Variants in CPEB1 observed in about 807,000 individuals in gnomAD.
CPEB1 encodes cytoplasmic polyadenylation element binding protein 1.
Under a neutral mutation model 65.8 loss-of-function variants are expected in CPEB1, and 7 were observed. That is an observed-to-expected ratio of 0.11 (90% CI 0.06 to 0.20). The LOEUF (loss-of-function observed/expected upper bound fraction) is 0.20. Among genes scored for constraint, CPEB1 ranks in the 10% least tolerant of loss-of-function variants. CPEB1 has a pLI of 1.00. For missense variants in CPEB1, 551 were observed against 712.2 expected (o/e 0.77, Z 2.58); for synonymous variants, 262 against 260.0 (o/e 1.01, Z -0.08).
chr15:82,544,483 C>T lies in CPEB1; in HGVS notation c.*109G>A. The T allele has an allele frequency of 1.4e-6, 1 of 717,300 alleles. No individual in the cohort carries two copies. The allele number at this position is 717,300 out of a possible 1,614,324, so 44.4% of individuals were successfully genotyped here. A position where few individuals can be genotyped will look rare whatever the true frequency, so the allele number is the denominator to read the frequency against. ...AGTGCAAAGGTGACTACAATTTTCC[C>T]TTGTCCTTGGGAAGCCAGCTCCCTG... is the stretch of plus-strand genomic sequence containing the variant. On this transcript the variant is annotated 3_prime_UTR_variant, in exon 13 of 13. Transcript: ENST00000684509.
At chr15:82,601,897 T>A (rs1387897454) in intron 3 of CPEB1, among the ~76,000 whole-genome samples, 1 of 152,156 alleles carries the variant, frequency 6.6e-6, no homozygotes. Context: ...ATAATTGAGA[T>A]AACGAAAGCT....
chr15:82,546,707 G>GCTGTCCTACACCTCT (rs1263868313), intron 11 of CPEB1, among the ~76,000 whole-genome samples, 186 bp from the exon 12 acceptor site: 4 of 152,172 alleles, frequency 2.6e-5, no homozygotes, highest in Admixed American at 2.6e-4. Flanking sequence ...AGTTCTAGAG[G>GCTGTCCTACACCTCT]ACAGACTCAT....
At position 82,619,814 on chromosome 15, in the gene CPEB1, G is replaced by GT. The variant is rs1206949110; in HGVS notation, c.271+7378dup. ...AGGATATGAAACAACCCAAACCATC[G>GT]TACACCACTGGAAGTGTAAACTGGT... On this transcript the variant is annotated intron_variant, in intron 3 of 12. Coordinates refer to ENST00000684509, the MANE Select transcript of CPEB1 (RefSeq NM_001365242.1). Among the ~76,000 whole-genome samples, 11 of 152,012 alleles carry GT rather than the reference G, an allele frequency of 7.2e-5. No homozygotes were observed. The East Asian group carries it at 1.9e-3, about 27-fold the overall frequency.
intron 3 of CPEB1, chr15:82,571,782 C>G (rs1182494801): frequency 7.8e-7 from 1 of 1,281,326 alleles, no homozygotes. Context: ...AGCATGTGAT[C>G]AGGCTGCTGA....
At chr15:82,562,386 G>A (rs2038377229) in intron 4 of CPEB1, 2 of 307,346 alleles carry the variant, frequency 6.5e-6, no homozygotes, top group African/African-American at 2.2e-5. Flanking sequence ...ACCTGAATCA[G>A]AATCTGCATT....
intron 1 of CPEB1, chr15:82,629,748 T>C (rs1180161886): frequency 2.0e-6 from 2 of 985,312 alleles, no homozygotes; most frequent in Non-Finnish European, 2.4e-6. Flanking sequence ...TCTCATAAGC[T>C]GGTCACATCA....
intron 3 of CPEB1, among the ~76,000 whole-genome samples, chr15:82,586,210 T>C (rs1483594444): frequency 6.6e-6 from 1 of 151,914 alleles, no homozygotes; most frequent in Non-Finnish European, 1.5e-5. Context: ...TTAATCTAAT[T>C]TGATTGGAAG....
At chr15:82,623,451 G>A (rs2045490661) in intron 3 of CPEB1, among the ~76,000 whole-genome samples, 2 of 152,244 alleles carry the variant, frequency 1.3e-5, no homozygotes, top group Admixed American at 1.3e-4. Context: ...GCCAAGGCAG[G>A]TGGATCACTT....
intron 3 of CPEB1, among the ~76,000 whole-genome samples, chr15:82,625,178 T>C (rs1475096173): frequency 6.6e-6 from 1 of 152,130 alleles, no homozygotes. Context: ...AAACAGAACA[T>C]GTATTAGAAC....
At chr15:82,551,604 AAAATAGGCAT>A (rs2150948222) in intron 9 of CPEB1, among the ~76,000 whole-genome samples, 1 of 152,296 alleles carries the variant, frequency 6.6e-6, no homozygotes, top group African/African-American at 2.4e-5. Flanking sequence ...CTTTTTTACT[AAAATAGGCAT>A]TTTAGTTTCC....
intron 3 of CPEB1, among the ~76,000 whole-genome samples, chr15:82,605,427 A>C (rs72751669): frequency 0.01 from 1,550 of 152,288 alleles, 14 homozygotes; most frequent in African/African-American, 0.011. Context: ...AAGGGTACAA[A>C]GTTTTGACCA....
intron 3 of CPEB1, among the ~76,000 whole-genome samples, chr15:82,584,781 A>T (rs918296364): frequency 6.6e-6 from 1 of 151,784 alleles, no homozygotes; most frequent in African/African-American, 2.4e-5. Flanking sequence ...TAAAAGAGGC[A>T]AATAGTGTGT....
At chr15:82,558,183 C>T (rs1421729271) in intron 4 of CPEB1, among the ~76,000 whole-genome samples, 197 bp from the exon 5 acceptor site, 1 of 152,188 alleles carries the variant, frequency 6.6e-6, no homozygotes, top group Non-Finnish European at 1.5e-5. Context: ...GAGGAAGTTA[C>T]AAGCTGACTG....
intron 5 of CPEB1, among the ~76,000 whole-genome samples, chr15:82,557,342 T>C (rs924514969): frequency 3.3e-5 from 5 of 152,206 alleles, no homozygotes; most frequent in African/African-American, 1.2e-4. Context: ...TAATTACTAC[T>C]TAAAAATTTT....
chr15:82,611,475 G>A (rs2044147821), intron 3 of CPEB1, among the ~76,000 whole-genome samples: 1 of 152,048 alleles, frequency 6.6e-6, no homozygotes. Context: ...GGCAATAGTA[G>A]GCCAGGCACA....
intron 3 of CPEB1, among the ~76,000 whole-genome samples, chr15:82,622,992 TAAG>T (rs1329512790): frequency 6.6e-6 from 1 of 152,204 alleles, no homozygotes; most frequent in Non-Finnish European, 1.5e-5. Context: ...GACCTTTTGG[TAAG>T]CCCTGGCGGG....
chr15:82,604,194 A>C (rs1490213768), intron 3 of CPEB1, among the ~76,000 whole-genome samples: 3 of 152,098 alleles, frequency 2.0e-5, no homozygotes, highest in Non-Finnish European at 4.4e-5. Flanking sequence ...ACAAAAAACA[A>C]AACAACGGGC....
chr15:82,601,314 G>A (rs1215034749), intron 3 of CPEB1, among the ~76,000 whole-genome samples: 1 of 151,914 alleles, frequency 6.6e-6, no homozygotes. Context: ...GCCAAGGCGG[G>A]TGGATCACCT....
At chr15:82,602,390 T>C (rs772611144) in intron 3 of CPEB1, among the ~76,000 whole-genome samples, 8 of 152,116 alleles carry the variant, frequency 5.3e-5, no homozygotes, top group Non-Finnish European at 1.0e-4. Flanking sequence ...ATTAAAAAGA[T>C]TAAAAACCAT....
Sources: allele counts gnomAD v4.1 joint callset (sites outside exome capture counted in the v4.1 genomes callset), GRCh38; gene constraint gnomAD v4.1.1; transcripts MANE v1.5; gene names NCBI Gene and HGNC (gene_info 2026-07-23, HGNC 2026-07-21).